CDK11A: variants seen among roughly 807,000 people sequenced by gnomAD.
The protein encoded by CDK11A is cyclin-dependent kinase 11A.
In CDK11A, 55 loss-of-function variants were observed where a neutral mutation model predicts 83.6. That is an observed-to-expected ratio of 0.66 (90% CI 0.53 to 0.82). The LOEUF (loss-of-function observed/expected upper bound fraction) is 0.82, where lower values mean the gene tolerates loss of function less well. Ranked by LOEUF, CDK11A falls within the 40% of genes least tolerant of loss-of-function variation. The pLI, the probability that CDK11A is intolerant of heterozygous loss-of-function variation, is 0.00. For synonymous variants in CDK11A, 247 were observed against 302.7 expected, an observed-to-expected ratio of 0.82 and a Z score of 1.91; for missense variants, 564 against 810.1, an observed-to-expected ratio of 0.70 and a Z score of 3.69.
chr1:1,721,068 G>A (rs1334580647), intron 3 of CDK11A, among the ~76,000 whole-genome samples: 7 of 150,832 alleles, frequency 4.6e-5, no homozygotes, highest in Non-Finnish European at 8.9e-5. Context: ...GTAGAGACGG[G>A]GTTTCACCGT....
At chr1:1,718,221 C>T (rs1644753983) in intron 4 of CDK11A, among the ~76,000 whole-genome samples, 1 of 144,094 alleles carries the variant, frequency 6.9e-6, no homozygotes, top group African/African-American at 2.6e-5. Context: ...TATAGCCCTT[C>T]TGAATGGTCT....
In CDK11A at chr1:1,716,643, G is replaced by A. The variant is rs576922957; in HGVS notation, c.356-165C>T. ...AGCCTGGCCAACATGGTGAAACCCC[G>A]TCTCTACTAAAAATACAAAAATTAG... On this transcript the variant is annotated intron_variant, in intron 4 of 19. Coordinates refer to ENST00000404249, the MANE Select transcript of CDK11A (RefSeq NM_024011.4). Among the ~76,000 whole-genome samples, 185 of 149,928 alleles carry A rather than the reference G, an allele frequency of 1.2e-3. 5 individuals are homozygous for A. Among genetic ancestry groups the A allele is most frequent in the African/African-American group, 4.2e-3 (172 of 40,814 alleles).
chr1:1,703,706 C>G, intron 17 of CDK11A, 82 bp from the exon 18 acceptor site: 1 of 1,537,084 alleles, frequency 6.5e-7, no homozygotes, highest in Non-Finnish European at 8.8e-7. Flanking sequence ...AGACAAGCCA[C>G]CAGGAGGGCT....
chr1:1,715,802 C>A (rs1168833166), intron 5 of CDK11A, among the ~76,000 whole-genome samples: 2 of 151,132 alleles, frequency 1.3e-5, no homozygotes, highest in African/African-American at 4.9e-5. Context: ...CAGAACAGAT[C>A]TGGGGCTACA....
intron 2 of CDK11A, chr1:1,722,358 G>A (rs868407624): frequency 9.8e-5 from 34 of 347,994 alleles, no homozygotes; most frequent in African/African-American, 5.6e-4. Flanking sequence ...AACCAAGAAA[G>A]ACGTAAAATA....
chr1:1,708,720 G>C (rs1314079327), intron 9 of CDK11A, 74 bp downstream of exon 9: 1 of 1,388,690 alleles, frequency 7.2e-7, no homozygotes, highest in Non-Finnish European at 9.8e-7. Context: ...TCCCCCGCCC[G>C]CCAGCTACTT....
intron 10 of CDK11A, among the ~76,000 whole-genome samples, chr1:1,707,928 C>A (rs1420704144): frequency 1.5e-5 from 2 of 137,598 alleles, no homozygotes; most frequent in East Asian, 2.1e-4. Flanking sequence ...ATCTGACGGG[C>A]CTCCCCTGTG....
At chr1:1,717,209 GAATA>G (rs1244471955) in intron 4 of CDK11A, among the ~76,000 whole-genome samples, 1 of 151,110 alleles carries the variant, frequency 6.6e-6, no homozygotes, top group Non-Finnish European at 1.5e-5. Context: ...TTTCTATACT[GAATA>G]AACTATAATT....
Position 1,721,852 on chromosome 1 carries a change from A to T in CDK11A, c.112-141T>A, listed in dbSNP as rs1395474321. 14 of 1,244,692 alleles carry T rather than the reference A, an allele frequency of 1.1e-5. No individual in the cohort carries two copies. In the East Asian group the frequency reaches 3.7e-4, roughly 33 times the overall value. The allele number at this position is 1,244,692 out of a possible 1,614,324, so 77.1% of individuals were successfully genotyped here. ...GTACTCTGAATGAGCCAGTGTTATAAAATATAAAGAATTTTTGGCCAGGTG... is the reference window on the plus strand; with the variant it reads ...GTACTCTGAATGAGCCAGTGTTATATAATATAAAGAATTTTTGGCCAGGTG... On this transcript the variant is annotated intron_variant, in intron 2 of 19. Transcript: ENST00000404249.
At position 1,716,218 on chromosome 1, in the gene CDK11A, G is replaced by C. The variant is rs1470609925; in HGVS notation, c.488+128C>G. 8.6e-6 allele frequency: 9 copies of C among 1,052,274 alleles called. No individual in the cohort carries two copies. In the East Asian group the frequency reaches 2.2e-4, roughly 26 times the overall value. The allele number at this position is 1,052,274 out of a possible 1,614,324, so 65.2% of individuals were successfully genotyped here. A position where few individuals can be genotyped will look rare whatever the true frequency, so the allele number is the denominator to read the frequency against. The stretch of plus-strand genomic sequence containing the variant: ...TGGTCAGCCTCGTCCAGCGTTCACT[G>C]TGCTGTTTCCATGTCTACCACTTCT... On this transcript the variant is annotated intron_variant, in intron 5 of 19. Coordinates refer to ENST00000404249, the MANE Select transcript of CDK11A (RefSeq NM_024011.4).
At position 1,704,621 on chromosome 1, in the gene CDK11A, T is replaced by C. The variant is rs1376969807; in HGVS notation, c.1493A>G (p.Tyr498Cys). 50 of 1,599,938 alleles carry C rather than the reference T, an allele frequency of 3.1e-5. 2 individuals are homozygous for C. Among genetic ancestry groups the C allele is most frequent in the Non-Finnish European group, 4.2e-5 (49 of 1,172,500 alleles). Residue 498 changes from tyrosine (Y) to cysteine (C), a missense_variant, in exon 14 of 20, where the codon TAC becomes TGC. Physicochemically the swap from Tyr to Cys is radical, Grantham distance 194. Coordinates refer to ENST00000404249, the MANE Select transcript of CDK11A (RefSeq NM_024011.4). ...GTGCTCCACGTAGTTCATCACGATGTAGATCTTGTCCATGTTGCTGCCCAC... is the reference window on the plus strand; with the variant it reads ...GTGCTCCACGTAGTTCATCACGATGCAGATCTTGTCCATGTTGCTGCCCAC... ...IVVGSNMDKI[Y>C]IVMNYVEHDL...
At chr1:1,707,386 C>G (rs1350634036) in intron 11 of CDK11A, 23 bp downstream of exon 11, 2 of 1,604,088 alleles carry the variant, frequency 1.2e-6, no homozygotes, top group Non-Finnish European at 1.7e-6. Flanking sequence ...GGACAGCGGC[C>G]CGGGGCGAGG....
chr1:1,720,241 C>T (rs1644854352), intron 3 of CDK11A, among the ~76,000 whole-genome samples: 1 of 148,660 alleles, frequency 6.7e-6, no homozygotes, highest in Non-Finnish European at 1.5e-5. Flanking sequence ...ACTACAGGCG[C>T]CCACCACCAC....
intron 17 of CDK11A, 91 bp downstream of exon 17, chr1:1,703,733 C>A: frequency 1.3e-6 from 2 of 1,555,376 alleles, no homozygotes; most frequent in Admixed American, 3.8e-5. Flanking sequence ...GGCCCTGGTC[C>A]CCATCTCAAC....
intron 3 of CDK11A, 137 bp downstream of exon 3, chr1:1,721,459 G>A (rs1298462033): frequency 1.4e-5 from 13 of 945,946 alleles, no homozygotes; most frequent in Admixed American, 1.1e-4. Flanking sequence ...GCTACAACAC[G>A]CCCTGTCACG....
chr1:1,716,287 T>A, intron 5 of CDK11A, 59 bp downstream of exon 5: 1 of 1,568,404 alleles, frequency 6.4e-7, no homozygotes, highest in Non-Finnish European at 8.7e-7. Flanking sequence ...TTCATTGCTG[T>A]GACAGGACAC....
rs531636394 is a variant in CDK11A, at chr1:1,708,085, G to T, written c.1069+95C>A. 55 of 1,574,092 alleles carry T rather than the reference G, an allele frequency of 3.5e-5. 2 individuals carry two copies. In the Middle Eastern group the frequency reaches 5.3e-4, roughly 15 times the overall value. On this transcript the variant is annotated intron_variant, in intron 10 of 19. Transcript: ENST00000404249. ...ATCAGGCGGCCTCCCAGACCCTGGC[G>T]TGCCCCACGCCGCGCAGGACCGGCT...
Position 1,704,847 on chromosome 1 carries a change from G to A in CDK11A, c.1458+57C>T, listed in dbSNP as rs541538887. The A allele has an allele frequency of 2.9e-5, 47 of 1,607,534 alleles. 4 individuals carry two copies. In the Middle Eastern group the frequency reaches 6.7e-4, roughly 23 times the overall value. On this transcript the variant is annotated intron_variant, in intron 13 of 19. Coordinates refer to ENST00000404249, the MANE Select transcript of CDK11A (RefSeq NM_024011.4). The stretch of plus-strand genomic sequence containing the variant: ...GAAGCACCCGGCCCCAGGACAGCAC[G>A]GGGCCCTGTCGGAAAAGCCTTCCAC...
chr1:1,717,953 C>A (rs28635530), intron 4 of CDK11A, among the ~76,000 whole-genome samples: 2 of 146,508 alleles, frequency 1.4e-5, no homozygotes, highest in African/African-American at 2.5e-5. Flanking sequence ...CTCTATAGCC[C>A]TTCTGAATGG....
Sources: allele counts gnomAD v4.1 joint callset (sites outside exome capture counted in the v4.1 genomes callset), GRCh38; gene constraint gnomAD v4.1.1; transcripts MANE v1.5; gene names NCBI Gene and HGNC (gene_info 2026-07-23, HGNC 2026-07-21).